Variants in PTPN14 observed in about 807,000 individuals in gnomAD.
PTPN14 encodes the protein protein tyrosine phosphatase non-receptor type 14.
Under a neutral mutation model 126.8 loss-of-function variants are expected in PTPN14, and 53 were observed. The ratio of observed to expected loss-of-function variants is 0.42; its 90% CI spans 0.34 to 0.53. PTPN14 has a LOEUF of 0.53. PTPN14 is among the 20% of genes least tolerant of loss of function. The probability of loss-of-function intolerance (pLI) is 0.08; values close to 1 mark genes in which losing one functional copy is unlikely to be tolerated. For synonymous variants in PTPN14, 630 were observed against 599.3 expected (o/e 1.05, Z -0.75); for missense variants, 1,257 against 1,552.9 (o/e 0.81, Z 3.20).
intron 17 of PTPN14, among the ~76,000 whole-genome samples, chr1:214,365,360 G>A (rs1416507845): frequency 6.6e-6 from 1 of 152,076 alleles, no homozygotes; most frequent in Non-Finnish European, 1.5e-5. Flanking sequence ...GTGCAGGGAG[G>A]GGTGCGTTCA....
Position 214,464,652 on chromosome 1 carries a change from G to A in PTPN14, c.152C>T (p.Ala51Val), listed in dbSNP as rs764757830. 2 of 1,614,226 alleles carry A rather than the reference G, an allele frequency of 1.2e-6. No homozygotes were observed. Among genetic ancestry groups the A allele is most frequent in the African/African-American group, 1.3e-5 (1 of 75,080 alleles). ...STGQECLEAV[A>V]QRLELRETHY... is the part of the protein sequence containing the mutation. Reference sequence around the variant, plus strand: ...TACCTCTCGCAGCTCCAGCCTCTGGGCCACAGCCTCCAGGCATTCTTGCCC... The same window carrying A: ...TACCTCTCGCAGCTCCAGCCTCTGGACCACAGCCTCCAGGCATTCTTGCCC... Residue 51 changes from alanine to valine, a missense_variant, in exon 2 of 19, where the codon GCC (alanine) becomes GTC (valine). Ala to Val is a moderately conservative substitution (Grantham distance 64). Around this residue, in one of 3 missense-constraint regions of PTPN14, gnomAD observed 1,021 missense variants for 1,183.3 expected, o/e 0.86. Transcript: ENST00000366956.
intron 3 of PTPN14, among the ~76,000 whole-genome samples, chr1:214,445,600 C>T (rs1298321175): frequency 6.6e-6 from 1 of 151,036 alleles, no homozygotes; most frequent in Non-Finnish European, 1.5e-5. Context: ...CATGCATGCA[C>T]TCAGCAACTT....
intron 3 of PTPN14, among the ~76,000 whole-genome samples, chr1:214,444,636 A>G (rs1000205959): frequency 5.9e-5 from 9 of 152,322 alleles, no homozygotes; most frequent in African/African-American, 2.2e-4. Flanking sequence ...GCAGGAGTCT[A>G]AGGGGGAAAA....
intron 3 of PTPN14, among the ~76,000 whole-genome samples, chr1:214,421,552 A>C (rs1256670571): frequency 1.3e-5 from 2 of 152,212 alleles, no homozygotes; most frequent in African/African-American, 4.8e-5. Context: ...AGGAGAAAAA[A>C]AAAATTTAAT....
intron 3 of PTPN14, among the ~76,000 whole-genome samples, chr1:214,423,593 T>C (rs1244285517): frequency 1.3e-5 from 2 of 152,244 alleles, no homozygotes; most frequent in African/African-American, 4.8e-5. Context: ...TGCTGGCTTC[T>C]AGGCTTTCGT....
Position 214,390,981 on chromosome 1 carries a change from T to C in PTPN14, c.987+7A>G. The C allele has an allele frequency of 1.3e-6, 2 of 1,541,018 alleles. No individual in the cohort carries two copies. Among genetic ancestry groups the C allele is most frequent in the Non-Finnish European group, 8.9e-7 (1 of 1,126,574 alleles). On this transcript the variant is annotated splice_region_variant and intron_variant, in intron 11 of 18. Transcript: ENST00000366956. ...GATCACTTGATCACTGCAGCTTCTATACATACCAGAGAGGATCGGCTCCAG... is the reference window on the plus strand; with the variant it reads ...GATCACTTGATCACTGCAGCTTCTACACATACCAGAGAGGATCGGCTCCAG...
Position 214,383,728 on chromosome 1 carries a change from C to T in PTPN14, c.2127G>A (p.Glu709=). ...SDATMLIHSS[E]SEEEEEEAPE... ...GAGCCTCCTCCTCCTCCTCCTCACT[C>T]TCGCTGCTGTGGATTAGCATAGTGG... The change falls in exon 13 of 19, where the codon GAG becomes GAA. Residue 709 remains glutamate, a synonymous_variant. Transcript: ENST00000366956. This position sits in a 1 kb window ranked among gnomAD's most constrained non-coding sequence, Gnocchi z 4.4. 6.2e-7 allele frequency: 1 copy of T among 1,613,580 alleles called. No individual in the cohort carries two copies. Among genetic ancestry groups the T allele is most frequent in the South Asian group, 1.1e-5 (1 of 91,090 alleles).
chr1:214,451,395 T>TGGCCTCAAGCTCTC (rs1660270252), intron 3 of PTPN14, among the ~76,000 whole-genome samples: 1 of 152,158 alleles, frequency 6.6e-6, no homozygotes, highest in Non-Finnish European at 1.5e-5. Context: ...CTCAAACTCT[T>TGGCCTCAAGCTCTC]GGCCTCAAGC....
At chr1:214,382,777 A>T (rs1395871603) in intron 13 of PTPN14, among the ~76,000 whole-genome samples, 1 of 152,264 alleles carries the variant, frequency 6.6e-6, no homozygotes, top group Non-Finnish European at 1.5e-5. Flanking sequence ...TATTTATCCA[A>T]TTACTAAGTT....
chr1:214,547,713 C>T (rs897490011), intron 1 of PTPN14, among the ~76,000 whole-genome samples: 1 of 152,044 alleles, frequency 6.6e-6, no homozygotes, highest in African/African-American at 2.4e-5. Flanking sequence ...TACAAGGATC[C>T]TTATATAAAA....
In PTPN14 at chr1:214,353,269, T is replaced by G. The variant is rs57810551; in HGVS notation, c.*4653A>C. On this transcript the variant is annotated 3_prime_UTR_variant, in exon 19 of 19. Coordinates refer to ENST00000366956, the MANE Select transcript of PTPN14 (RefSeq NM_005401.5). ...TTTGCATATAACCTATGCACATCTC[T>G]TGCATACTTTAAATCATCTCTAGAT... 0.35 allele frequency: 52,983 copies of G among 152,180 alleles called. 9,709 individuals are homozygous for G. Among genetic ancestry groups the G allele is most frequent in the African/African-American group, 0.43 (17,648 of 41,502 alleles). 9.4% of individuals were successfully genotyped at this position (152,180 alleles called of 1,614,324 possible).
At chr1:214,361,346 C>T (rs1657951895) in intron 18 of PTPN14, among the ~76,000 whole-genome samples, 1 of 152,188 alleles carries the variant, frequency 6.6e-6, no homozygotes, top group South Asian at 2.1e-4. Context: ...TCCTCCTCCT[C>T]CTCCTCTACC....
Position 214,371,593 on chromosome 1 carries a change from G to C in PTPN14, c.3036+1118C>G, listed in dbSNP as rs571034037. Reference sequence around the variant, plus strand: ...TAGGACATAAGCTCTATGGGGACAGGGATGGTGCCTGTCTCGTTTACCGTG... The same window carrying C: ...TAGGACATAAGCTCTATGGGGACAGCGATGGTGCCTGTCTCGTTTACCGTG... On this transcript the variant is annotated intron_variant, in intron 16 of 18. Coordinates refer to ENST00000366956, the MANE Select transcript of PTPN14 (RefSeq NM_005401.5). Among the ~76,000 whole-genome samples the C allele has an allele frequency of 4.6e-5, 7 of 152,318 alleles. No individual in the cohort carries two copies. The South Asian group carries it at 1.5e-3, about 32-fold the overall frequency.
intron 18 of PTPN14, among the ~76,000 whole-genome samples, chr1:214,363,960 G>A (rs1571950980): frequency 1.3e-5 from 2 of 152,260 alleles, no homozygotes; most frequent in East Asian, 1.9e-4. Flanking sequence ...AGGGTGACCC[G>A]CTGATGCAAA....
At chr1:214,463,638 T>C (rs925249009) in intron 2 of PTPN14, among the ~76,000 whole-genome samples, 1 of 152,128 alleles carries the variant, frequency 6.6e-6, no homozygotes, top group Non-Finnish European at 1.5e-5. Flanking sequence ...TGTAAGCAGG[T>C]GGAGAGAGGC....
chr1:214,373,029 T>C (rs1658255204), intron 15 of PTPN14, among the ~76,000 whole-genome samples, 190 bp from the exon 16 acceptor site: 1 of 152,176 alleles, frequency 6.6e-6, no homozygotes, highest in South Asian at 2.1e-4. Context: ...GAAAATACTT[T>C]TTGCCACTCA....
intron 1 of PTPN14, among the ~76,000 whole-genome samples, chr1:214,510,191 T>A (rs1287578807): frequency 6.6e-6 from 1 of 152,152 alleles, no homozygotes; most frequent in African/African-American, 2.4e-5. Context: ...ACAACTTTTA[T>A]CAATTTAGTT....
chr1:214,383,497 G>C lies in PTPN14; in HGVS notation c.2358C>G (p.Ala786=), dbSNP rs142991048. Residue 786 remains alanine, a synonymous_variant, in exon 13 of 19, where the codon GCC becomes GCG. Transcript: ENST00000366956. This position sits in a 1 kb window ranked among gnomAD's most constrained non-coding sequence, Gnocchi z 4.4. ...ARARVLRHGP[A]KAISMSRTDP... ...CAGTCCGAGACATGCTGATGGCCTT[G>C]GCTGGCCCATGCCTCAGCACCCTGG... is the stretch of plus-strand genomic sequence containing the variant. The C allele has an allele frequency of 3.1e-6, 5 of 1,614,220 alleles. No homozygotes were observed. Among genetic ancestry groups the C allele is most frequent in the Non-Finnish European group, 3.4e-6 (4 of 1,180,040 alleles).
chr1:214,467,369 A>T (rs1660663501), intron 1 of PTPN14, among the ~76,000 whole-genome samples: 1 of 152,168 alleles, frequency 6.6e-6, no homozygotes, highest in Non-Finnish European at 1.5e-5. Context: ...CACATTTCTA[A>T]CCCTGAGCCA....
Sources: allele counts gnomAD v4.1 joint callset (sites outside exome capture counted in the v4.1 genomes callset), GRCh38; gene constraint gnomAD v4.1.1; regional missense constraint gnomAD v4.1.1; non-coding constraint Gnocchi (gnomAD v3.1); transcripts MANE v1.5; gene names NCBI Gene and HGNC (gene_info 2026-07-23, HGNC 2026-07-21).